Variants in PCOLCE2 observed in about 807,000 individuals in gnomAD.
PCOLCE2 encodes the protein procollagen C-endopeptidase enhancer 2, also known as procollagen C-proteinase enhancer 2.
In PCOLCE2, 42 loss-of-function variants were observed where a neutral mutation model predicts 47.0. That is an observed-to-expected ratio of 0.89 (90% CI 0.70 to 1.16). The LOEUF (loss-of-function observed/expected upper bound fraction) is 1.16. PCOLCE2 is among the 50% of genes most tolerant of loss of function. The probability of loss-of-function intolerance (pLI) is 0.00; values close to 1 mark genes in which losing one functional copy is unlikely to be tolerated. For synonymous variants in PCOLCE2, 169 were observed against 191.7 expected (o/e 0.88, Z 0.98); for missense variants, 500 against 526.1 (o/e 0.95, Z 0.49).
At chr3:142,874,224 C>T (rs536054081) in intron 2 of PCOLCE2, among the ~76,000 whole-genome samples, 36 of 152,290 alleles carry the variant, frequency 2.4e-4, no homozygotes, top group Admixed American at 2.1e-3. Context: ...TACAGGCACA[C>T]GCCACCACAC....
intron 5 of PCOLCE2, 28 bp downstream of exon 5, chr3:142,838,742 A>G (rs751817346): frequency 1.3e-6 from 2 of 1,598,156 alleles, no homozygotes; most frequent in East Asian, 4.5e-5. Flanking sequence ...CCATAAAACT[A>G]TTAAAGACAT....
At chr3:142,875,131 T>C (rs1178671299) in intron 2 of PCOLCE2, among the ~76,000 whole-genome samples, 3 of 152,160 alleles carry the variant, frequency 2.0e-5, no homozygotes, top group Non-Finnish European at 4.4e-5. Context: ...AAAACAAGCA[T>C]ATTGGGCATC....
intron 5 of PCOLCE2, among the ~76,000 whole-genome samples, chr3:142,833,672 A>G (rs1937175193): frequency 6.6e-6 from 1 of 152,168 alleles, no homozygotes; most frequent in Admixed American, 6.5e-5. Flanking sequence ...TTGCAGTGCA[A>G]AAGTGGTCGT....
chr3:142,861,502 A>C (rs576462592), intron 2 of PCOLCE2, among the ~76,000 whole-genome samples: 1 of 151,930 alleles, frequency 6.6e-6, no homozygotes, highest in South Asian at 2.1e-4. Context: ...TAATTTTTTT[A>C]TCTCTATTAT....
chr3:142,838,399 T>G lies in PCOLCE2; in HGVS notation c.710+371A>C, dbSNP rs957183357. 1.2e-4 allele frequency among the ~76,000 whole-genome samples: 19 copies of G among 152,254 alleles called. No homozygotes were observed. In the South Asian group the frequency reaches 3.7e-3, roughly 30 times the overall value. ...CATCCACCTTGGCGACAGTGAGCTC[T>G]CTGCTCTCTGGTCATTTAAAAGCAT... On this transcript the variant is annotated intron_variant, in intron 5 of 8. Coordinates refer to ENST00000295992, the MANE Select transcript of PCOLCE2 (RefSeq NM_013363.4).
At chr3:142,821,347 G>A (rs1937011781) in intron 7 of PCOLCE2, among the ~76,000 whole-genome samples, 1 of 151,944 alleles carries the variant, frequency 6.6e-6, no homozygotes, top group Non-Finnish European at 1.5e-5. Context: ...TGGCTTGATT[G>A]TCACATAGGG....
chr3:142,846,258 G>A (rs1351068070), intron 3 of PCOLCE2, among the ~76,000 whole-genome samples: 1 of 152,138 alleles, frequency 6.6e-6, no homozygotes, highest in Non-Finnish European at 1.5e-5. Flanking sequence ...GAGGGCAGTG[G>A]CGCAATCTCG....
At chr3:142,878,671 A>T (rs1462736249) in intron 2 of PCOLCE2, among the ~76,000 whole-genome samples, 3 of 152,184 alleles carry the variant, frequency 2.0e-5, no homozygotes, top group Non-Finnish European at 4.4e-5. Context: ...ATCAGTCAAC[A>T]TGACAAAACC....
intron 6 of PCOLCE2, chr3:142,827,718 T>G (rs879114375): frequency 5.6e-6 from 5 of 891,380 alleles, no homozygotes; most frequent in African/African-American, 5.0e-5. Context: ...TGACCCGAGT[T>G]GTGGATGATG....
At chr3:142,854,723 CT>C (rs1933032310) in intron 2 of PCOLCE2, among the ~76,000 whole-genome samples, 1 of 152,212 alleles carries the variant, frequency 6.6e-6, no homozygotes, top group Admixed American at 6.5e-5. Flanking sequence ...CCACCCAAAA[CT>C]TTCCCACTGC....
intron 2 of PCOLCE2, among the ~76,000 whole-genome samples, chr3:142,858,793 C>T (rs1195467046): frequency 6.6e-6 from 1 of 152,058 alleles, no homozygotes. Flanking sequence ...CTTGCCCTGT[C>T]ACCCAGCCAA....
intron 5 of PCOLCE2, among the ~76,000 whole-genome samples, chr3:142,830,373 C>T (rs1316058547): frequency 6.6e-6 from 1 of 152,200 alleles, no homozygotes; most frequent in Non-Finnish European, 1.5e-5. Flanking sequence ...TTCCCACGCC[C>T]TGTAAAGATG....
chr3:142,888,459 G>C (rs1315837076), intron 1 of PCOLCE2, among the ~76,000 whole-genome samples: 1 of 152,212 alleles, frequency 6.6e-6, no homozygotes, highest in Non-Finnish European at 1.5e-5. Flanking sequence ...AAAAAACAGC[G>C]GTAAACCAAA....
At chr3:142,825,202 C>A (rs994249683) in intron 6 of PCOLCE2, among the ~76,000 whole-genome samples, 1 of 152,054 alleles carries the variant, frequency 6.6e-6, no homozygotes, top group South Asian at 2.1e-4. Flanking sequence ...TGATGGTGAG[C>A]GCCCTTTCCC....
At position 142,847,568 on chromosome 3, in the gene PCOLCE2, TCAA is replaced by T. The variant is rs563563288; in HGVS notation, c.448+646_448+648del. 1.2e-4 allele frequency among the ~76,000 whole-genome samples: 18 copies of T among 152,268 alleles called. No individual in the cohort carries two copies. The South Asian group carries it at 1.7e-3, about 14-fold the overall frequency. On this transcript the variant is annotated intron_variant, in intron 3 of 8. Transcript: ENST00000295992. ...ATTTGTTGTTGTTTGAGACAGGGTC[TCAA>T]CAACACCCAGGCTGCAGCACAGTGG...
chr3:142,831,011 G>C (rs1033213799), intron 5 of PCOLCE2, among the ~76,000 whole-genome samples: 18 of 152,192 alleles, frequency 1.2e-4, no homozygotes, highest in African/African-American at 4.1e-4. Context: ...GAAAAACTGC[G>C]TGATCTTTTC....
chr3:142,855,961 C>G (rs1239896554), intron 2 of PCOLCE2, among the ~76,000 whole-genome samples: 1 of 152,066 alleles, frequency 6.6e-6, no homozygotes, highest in Non-Finnish European at 1.5e-5. Flanking sequence ...TGTTAATTAC[C>G]CTGATTAACA....
intron 2 of PCOLCE2, among the ~76,000 whole-genome samples, chr3:142,866,377 CAG>C (rs1455592439): frequency 1.3e-5 from 2 of 152,180 alleles, no homozygotes; most frequent in African/African-American, 4.8e-5. Context: ...TCCTGGTTCT[CAG>C]GTCTCTGAAC....
chr3:142,878,505 G>A (rs1933544386), intron 2 of PCOLCE2, among the ~76,000 whole-genome samples: 1 of 152,108 alleles, frequency 6.6e-6, no homozygotes, highest in South Asian at 2.1e-4. Flanking sequence ...TAAGATTGAA[G>A]AACAATCCAT....
Sources: allele counts gnomAD v4.1 joint callset (sites outside exome capture counted in the v4.1 genomes callset), GRCh38; gene constraint gnomAD v4.1.1; transcripts MANE v1.5; gene names NCBI Gene and HGNC (gene_info 2026-07-23, HGNC 2026-07-21).